ANO10: variants seen among roughly 807,000 people sequenced by gnomAD.
The protein encoded by ANO10 is anoctamin 10.
Under a neutral mutation model 74.7 loss-of-function variants are expected in ANO10, and 77 were observed. That is an observed-to-expected ratio of 1.03 (90% CI 0.86 to 1.25). The LOEUF (loss-of-function observed/expected upper bound fraction) is 1.25, where lower values mean the gene tolerates loss of function less well. Ranked by LOEUF, ANO10 falls within the 50% of genes most tolerant of loss-of-function variation. ANO10 has a pLI of 0.00. For synonymous variants in ANO10, 279 were observed against 284.9 expected (o/e 0.98, Z 0.21); for missense variants, 721 against 778.1 (o/e 0.93, Z 0.87).
chr3:43,587,761 C>T (rs1242558063), intron 4 of ANO10, among the ~76,000 whole-genome samples: 1 of 151,646 alleles, frequency 6.6e-6, no homozygotes, highest in African/African-American at 2.4e-5. Flanking sequence ...CAGTAATATC[C>T]TCAATATTTA....
intron 12 of ANO10, among the ~76,000 whole-genome samples, chr3:43,373,969 C>T (rs1313076279): frequency 1.3e-5 from 2 of 152,224 alleles, no homozygotes; most frequent in Non-Finnish European, 2.9e-5. Flanking sequence ...TCAGTGGACA[C>T]TGATATTTTC....
At chr3:43,527,397 T>C (rs1172733084) in intron 11 of ANO10, among the ~76,000 whole-genome samples, 2 of 152,136 alleles carry the variant, frequency 1.3e-5, no homozygotes, top group African/African-American at 4.8e-5. Flanking sequence ...GATGAAGTAC[T>C]CTTTAGTTCA....
chr3:43,381,703 C>T (rs1290541856), intron 12 of ANO10, among the ~76,000 whole-genome samples: 2 of 152,178 alleles, frequency 1.3e-5, no homozygotes, highest in African/African-American at 4.8e-5. Context: ...TTAAACTATA[C>T]CCTAGAACAA....
intron 1 of ANO10, among the ~76,000 whole-genome samples, chr3:43,671,672 A>C (rs2084061115): frequency 6.6e-6 from 1 of 152,202 alleles, no homozygotes; most frequent in African/African-American, 2.4e-5. Context: ...TTCCACCAAG[A>C]AAAGAACACA....
chr3:43,550,482 CT>C (rs2079408007), intron 10 of ANO10, among the ~76,000 whole-genome samples: 1 of 152,268 alleles, frequency 6.6e-6, no homozygotes, highest in South Asian at 2.1e-4. Flanking sequence ...GACCATTGCT[CT>C]TTTTTTCTTT....
chr3:43,665,457 G>A (rs2083979091), intron 1 of ANO10, among the ~76,000 whole-genome samples: 1 of 152,048 alleles, frequency 6.6e-6, no homozygotes. Context: ...AACCACCATG[G>A]CACGTGTATA....
chr3:43,428,796 C>CATAAAAAA (rs2092936462), intron 12 of ANO10, among the ~76,000 whole-genome samples: 1 of 55,424 alleles, frequency 1.8e-5, no homozygotes, highest in Non-Finnish European at 3.2e-5. Context: ...TTTGTGAATG[C>CATAAAAAA]AAAAAAAAAA....
At chr3:43,576,552 A>G in intron 6 of ANO10, 140 bp downstream of exon 6, 4 of 789,436 alleles carry the variant, frequency 5.1e-6, no homozygotes, top group Non-Finnish European at 8.3e-6. Context: ...CACAAAGCTG[A>G]TAAATTTTTC....
In ANO10 at chr3:43,555,411, G is replaced by A. The variant is rs773596511; in HGVS notation, c.1535C>T (p.Ser512Phe). Reference sequence around the variant, plus strand: ...GGCAGCTGCTAATGGGTAAACACAGGAGAAAAGGCTCACATAACCAAACTG... The same window carrying A: ...GGCAGCTGCTAATGGGTAAACACAGAAGAAAAGGCTCACATAACCAAACTG... ...FLQFGYVSLFSCVYPLAAAFA... is the reference protein window; with the variant it reads ...FLQFGYVSLFFCVYPLAAAFA... Residue 512 changes from serine (S) to phenylalanine (F), a missense_variant, in exon 10 of 13, where the codon TCC (serine) becomes TTC (phenylalanine). Physicochemically the swap from Ser to Phe is radical, Grantham distance 155. Transcript: ENST00000292246. 20 of 1,613,994 alleles carry A rather than the reference G, an allele frequency of 1.2e-5. 1 individual carries two copies. The South Asian group carries it at 1.9e-4, about 15-fold the overall frequency.
chr3:43,597,107 G>A (rs568534863), intron 4 of ANO10, among the ~76,000 whole-genome samples: 1 of 152,264 alleles, frequency 6.6e-6, no homozygotes, highest in Admixed American at 6.5e-5. Flanking sequence ...TAAAAAGTCA[G>A]GAAACAACAG....
chr3:43,475,958 A>G (rs1371867905), intron 11 of ANO10, among the ~76,000 whole-genome samples: 1 of 152,016 alleles, frequency 6.6e-6, no homozygotes, highest in Non-Finnish European at 1.5e-5. Context: ...GATCTGTTCT[A>G]TTTATCTATT....
At chr3:43,393,511 C>T (rs916100494) in intron 12 of ANO10, among the ~76,000 whole-genome samples, 30 of 152,098 alleles carry the variant, frequency 2.0e-4, no homozygotes, top group African/African-American at 2.4e-5. Context: ...AGATGATACA[C>T]GTACGCTCAA....
chr3:43,674,191 G>A (rs1466918139), intron 1 of ANO10, among the ~76,000 whole-genome samples: 1 of 152,194 alleles, frequency 6.6e-6, no homozygotes, highest in Non-Finnish European at 1.5e-5. Flanking sequence ...CTAGGCTGGA[G>A]AGCAGTGGCA....
intron 12 of ANO10, among the ~76,000 whole-genome samples, chr3:43,415,135 C>A (rs796393138): frequency 6.6e-6 from 1 of 151,630 alleles, no homozygotes; most frequent in African/African-American, 2.4e-5. Flanking sequence ...CCACCACACA[C>A]GGCTCATTAT....
intron 11 of ANO10, among the ~76,000 whole-genome samples, chr3:43,523,302 C>G (rs928324036): frequency 6.6e-6 from 1 of 152,120 alleles, no homozygotes; most frequent in Non-Finnish European, 1.5e-5. Flanking sequence ...GCGGAAAGAG[C>G]TGCATGATTT....
chr3:43,485,448 C>T (rs1290853737), intron 11 of ANO10, among the ~76,000 whole-genome samples: 1 of 152,112 alleles, frequency 6.6e-6, no homozygotes, highest in Non-Finnish European at 1.5e-5. Context: ...CACTGGGTTC[C>T]AAGGTTCTCT....
intron 11 of ANO10, among the ~76,000 whole-genome samples, chr3:43,544,567 C>T (rs1220771812): frequency 1.3e-5 from 2 of 151,958 alleles, no homozygotes; most frequent in Admixed American, 6.6e-5. Flanking sequence ...CTGAGGCAGG[C>T]AGATCACTTG....
chr3:43,643,149 A>T (rs1326984956), intron 1 of ANO10, among the ~76,000 whole-genome samples: 1 of 150,540 alleles, frequency 6.6e-6, no homozygotes, highest in Non-Finnish European at 1.5e-5. Context: ...CTCCTAACTC[A>T]GCCTCCCGAG....
intron 9 of ANO10, among the ~76,000 whole-genome samples, chr3:43,558,181 C>T (rs1018843596): frequency 2.0e-5 from 3 of 150,492 alleles, no homozygotes; most frequent in African/African-American, 7.3e-5. Context: ...AACATATTAA[C>T]ATAAATGTCT....
Sources: gnomAD v4.1 joint callset for allele counts (sites outside exome capture counted in the v4.1 genomes callset) on GRCh38, gnomAD v4.1.1 for gene constraint, MANE v1.5 for transcripts, NCBI Gene and HGNC (gene_info 2026-07-23, HGNC 2026-07-21) for gene names.